LRRC8C: variants seen among roughly 807,000 people sequenced by gnomAD.
LRRC8C encodes the protein volume-regulated anion channel subunit LRRC8C.
Under a neutral mutation model 55.3 loss-of-function variants are expected in LRRC8C, and 20 were observed. That is an observed-to-expected ratio of 0.36 (90% CI 0.25 to 0.53). LRRC8C has a LOEUF of 0.53. Among genes scored for constraint, LRRC8C ranks in the 20% least tolerant of loss-of-function variants. The pLI is 0.92. For synonymous variants in LRRC8C, 376 were observed against 360.7 expected (o/e 1.04, Z -0.48); for missense variants, 659 against 951.4 (o/e 0.69, Z 4.04).
At chr1:89,697,011 G>GA (rs558054098) in intron 2 of LRRC8C, among the ~76,000 whole-genome samples, 7 of 150,760 alleles carry the variant, frequency 4.6e-5, no homozygotes, top group South Asian at 4.2e-4. Context: ...AATAATGATT[G>GA]AAAAAAAAAT....
rs183454204 is a variant in LRRC8C at position 89,713,848 on chromosome 1, G to A, written c.1278G>A (p.Leu426=). 9.9e-5 allele frequency: 160 copies of A among 1,614,152 alleles called. No individual in the cohort carries two copies. Among genetic ancestry groups the A allele is most frequent in the Middle Eastern group, 4.9e-4 (3 of 6,062 alleles). The change falls in exon 3 of 3, where the codon CTG becomes CTA. Residue 426 remains leucine, a synonymous_variant. Coordinates refer to ENST00000370454, the MANE Select transcript of LRRC8C (RefSeq NM_032270.5). The surrounding 1 kb of genome is among the most constrained non-coding windows in gnomAD (Gnocchi z 5.2). ...TACAGACAAATGCCCATAATCGACTGGAATTGCCTCTTATCATGCTCTCTG... is the reference window on the plus strand; with the variant it reads ...TACAGACAAATGCCCATAATCGACTAGAATTGCCTCTTATCATGCTCTCTG... ...QKLQTNAHNR[L]ELPLIMLSGL... is the part of the protein sequence containing the mutation.
chr1:89,643,591 G>A (rs750375662), intron 1 of LRRC8C, among the ~76,000 whole-genome samples: 5 of 152,188 alleles, frequency 3.3e-5, no homozygotes, highest in Non-Finnish European at 5.9e-5. Flanking sequence ...ATAAGAATAA[G>A]TAAAGTTTAT....
At chr1:89,649,745 G>A (rs111309573) in intron 1 of LRRC8C, among the ~76,000 whole-genome samples, 2,368 of 152,210 alleles carry the variant, frequency 0.016, 61 homozygotes, top group African/African-American at 0.055. Context: ...ATCTTGACAG[G>A]CTGTAGATTC....
intron 2 of LRRC8C, among the ~76,000 whole-genome samples, chr1:89,704,561 G>T (rs991223723): frequency 6.6e-6 from 1 of 152,088 alleles, no homozygotes; most frequent in African/African-American, 2.4e-5. Flanking sequence ...GATCTGGAAT[G>T]GTATACACCA....
chr1:89,648,886 T>C (rs1656686125), intron 1 of LRRC8C, among the ~76,000 whole-genome samples: 1 of 152,220 alleles, frequency 6.6e-6, no homozygotes, highest in South Asian at 2.1e-4. Flanking sequence ...TATTTAAGGT[T>C]CATTAATGTT....
At chr1:89,699,231 G>A (rs1365035734) in intron 2 of LRRC8C, among the ~76,000 whole-genome samples, 1 of 152,202 alleles carries the variant, frequency 6.6e-6, no homozygotes, top group African/African-American at 2.4e-5. Flanking sequence ...GGACAAAGGA[G>A]GGGAGGGATA....
chr1:89,618,770 A>C, the LRRC8C span, among the ~76,000 whole-genome samples: 2 of 152,276 alleles, frequency 1.3e-5, no homozygotes, highest in African/African-American at 2.4e-5. Context: ...TAGCCAAGTA[A>C]TATAGATAAA....
At chr1:89,671,015 T>C (rs1489965806) in intron 1 of LRRC8C, among the ~76,000 whole-genome samples, 1 of 152,172 alleles carries the variant, frequency 6.6e-6, no homozygotes, top group Non-Finnish European at 1.5e-5. Flanking sequence ...TTGGTTTCCT[T>C]GTTTATAGAT....
At chr1:89,641,651 C>A (rs1054654657) in intron 1 of LRRC8C, among the ~76,000 whole-genome samples, 1 of 152,010 alleles carries the variant, frequency 6.6e-6, no homozygotes, top group African/African-American at 2.4e-5. Flanking sequence ...GCATTAGGGT[C>A]ATTGAATTTG....
chr1:89,621,423 C>CAT, the LRRC8C span, among the ~76,000 whole-genome samples: 2 of 151,142 alleles, frequency 1.3e-5, no homozygotes, highest in African/African-American at 2.4e-5. Context: ...GAGCCGAGAT[C>CAT]GCCACTGCAC....
At chr1:89,705,876 A>G (rs549866981) in intron 2 of LRRC8C, among the ~76,000 whole-genome samples, 3 of 152,264 alleles carry the variant, frequency 2.0e-5, no homozygotes, top group Admixed American at 6.5e-5. Context: ...CACAAAATCT[A>G]TGTGAGAAAA....
Position 89,714,665 on chromosome 1 carries a change from C to G in LRRC8C, c.2095C>G (p.Pro699Ala). Residue 699 changes from proline to alanine, a missense_variant, in exon 3 of 3, where the codon CCC becomes GCC. Physicochemically the swap from Pro to Ala is conservative, Grantham distance 27 (BLOSUM62 -1). Around this residue, in one of 5 missense-constraint regions of LRRC8C, gnomAD observed 344 missense variants for 464.6 expected, o/e 0.74. Coordinates refer to ENST00000370454, the MANE Select transcript of LRRC8C (RefSeq NM_032270.5). This position sits in a 1 kb window ranked among gnomAD's most constrained non-coding sequence, Gnocchi z 4.6. ...DLSYNDIRFI[P>A]PEIGVLQSLQ... is the part of the protein sequence containing the mutation. ...ATCGTACAATGACATTCGATTTATCCCCCCTGAAATTGGAGTTCTACAAAG... is the reference window on the plus strand; with the variant it reads ...ATCGTACAATGACATTCGATTTATCGCCCCTGAAATTGGAGTTCTACAAAG... The G allele has an allele frequency of 6.2e-7, 1 of 1,614,120 alleles. No homozygotes were observed. Among genetic ancestry groups the G allele is most frequent in the Non-Finnish European group, 8.5e-7 (1 of 1,180,006 alleles).
chr1:89,700,922 G>A (rs1658299914), intron 2 of LRRC8C, among the ~76,000 whole-genome samples: 1 of 152,146 alleles, frequency 6.6e-6, no homozygotes, highest in Non-Finnish European at 1.5e-5. Flanking sequence ...TATTGGAATG[G>A]TACCACCTAT....
intron 1 of LRRC8C, among the ~76,000 whole-genome samples, chr1:89,673,324 T>G (rs752166921): frequency 6.6e-6 from 1 of 152,186 alleles, no homozygotes; most frequent in Non-Finnish European, 1.5e-5. Flanking sequence ...GCTTTAGATG[T>G]CACCTTGCAA....
At chr1:89,652,590 A>G (rs1442914569) in intron 1 of LRRC8C, among the ~76,000 whole-genome samples, 1 of 152,168 alleles carries the variant, frequency 6.6e-6, no homozygotes, top group Non-Finnish European at 1.5e-5. Context: ...TCAGTCTTGC[A>G]TTATCATTTA....
the LRRC8C span, among the ~76,000 whole-genome samples, chr1:89,627,777 A>T: frequency 6.6e-6 from 1 of 152,178 alleles, no homozygotes; most frequent in African/African-American, 2.4e-5. Flanking sequence ...ATCTGTCAAT[A>T]TGAGAAAATA....
intron 1 of LRRC8C, among the ~76,000 whole-genome samples, chr1:89,678,864 A>T (rs2101258401): frequency 6.6e-6 from 1 of 152,192 alleles, no homozygotes; most frequent in African/African-American, 2.4e-5. Flanking sequence ...GTAAGTGGAG[A>T]AGGGTTTGCT....
chr1:89,714,583 A>T lies in LRRC8C; in HGVS notation c.2013A>T (p.Lys671Asn). The T allele has an allele frequency of 6.2e-7, 1 of 1,614,114 alleles. No individual in the cohort carries two copies. Among genetic ancestry groups the T allele is most frequent in the Non-Finnish European group, 8.5e-7 (1 of 1,180,002 alleles). The change falls in exon 3 of 3, where the codon AAA becomes AAT. Residue 671 changes from lysine to asparagine, a missense_variant. By Grantham distance (94) the Lys-to-Asn change is moderately conservative. Coordinates refer to ENST00000370454, the MANE Select transcript of LRRC8C (RefSeq NM_032270.5). The surrounding 1 kb of genome is among the most constrained non-coding windows in gnomAD (Gnocchi z 4.6). ...AACGCCTGTCCTTTAGTCACAATAA[A>T]ATAGAGGTGCTGCCTTCCCACCTCT... ...SLERLSFSHN[K>N]IEVLPSHLFL...
At chr1:89,673,659 A>G (rs1048306272) in intron 1 of LRRC8C, among the ~76,000 whole-genome samples, 1 of 152,194 alleles carries the variant, frequency 6.6e-6, no homozygotes, top group East Asian at 1.9e-4. Flanking sequence ...TTGCTCATCT[A>G]TTTACCCAAT....
Sources: allele counts gnomAD v4.1 joint callset (sites outside exome capture counted in the v4.1 genomes callset), GRCh38; gene constraint gnomAD v4.1.1; regional missense constraint gnomAD v4.1.1; non-coding constraint Gnocchi (gnomAD v3.1); transcripts MANE v1.5; gene names NCBI Gene and HGNC (gene_info 2026-07-23, HGNC 2026-07-21).